DHRS3: variants seen among roughly 807,000 people sequenced by gnomAD.
DHRS3 encodes the protein short-chain dehydrogenase/reductase 3.
In DHRS3, 14 loss-of-function variants were observed where a neutral mutation model predicts 27.2. The ratio of observed to expected loss-of-function variants is 0.52; its 90% CI spans 0.34 to 0.81. The LOEUF is 0.81. DHRS3 is among the 30% of genes least tolerant of loss of function. The probability of loss-of-function intolerance (pLI) is 0.01; values close to 1 mark genes in which losing one functional copy is unlikely to be tolerated. For synonymous variants in DHRS3, 165 were observed against 175.9 expected (o/e 0.94, Z 0.49); for missense variants, 322 against 406.2 (o/e 0.79, Z 1.78).
In DHRS3 at chr1:12,591,071, C is replaced by T. The variant is rs1334850545; in HGVS notation, c.196-10405G>A. ...AGGGGAGGAGACAGACATAGAGCTTCGGGTTTTCCAGGCAACCATTACCCC... is the reference window on the plus strand; with the variant it reads ...AGGGGAGGAGACAGACATAGAGCTTTGGGTTTTCCAGGCAACCATTACCCC... On this transcript the variant is annotated intron_variant, in intron 1 of 5. Transcript: ENST00000616661. The surrounding 1 kb of genome is among the most constrained non-coding windows in gnomAD (Gnocchi z 4.1). Among the ~76,000 whole-genome samples, 5 of 152,180 alleles carry T rather than the reference C, an allele frequency of 3.3e-5. No individual in the cohort carries two copies. Among genetic ancestry groups the T allele is most frequent in the East Asian group, 1.9e-4 (1 of 5,190 alleles).
rs963164163 is a variant in DHRS3 at position 12,614,474 on chromosome 1, G to A, written c.195+2680C>T. On this transcript the variant is annotated intron_variant, in intron 1 of 5. Coordinates refer to ENST00000616661, the MANE Select transcript of DHRS3 (RefSeq NM_004753.7). ...GTGCACTGTGGGTAAGGAGAGATGT[G>A]TCCGGAGCTTTCAAATTCTTACAGC... Among the ~76,000 whole-genome samples, 7 of 151,550 alleles carry A rather than the reference G, an allele frequency of 4.6e-5. No homozygotes were observed. In the East Asian group the frequency reaches 7.8e-4, roughly 17 times the overall value.
rs1450855824 is a variant in DHRS3 at position 12,596,281 on chromosome 1, C to A, written c.196-15615G>T. On this transcript the variant is annotated intron_variant, in intron 1 of 5. Coordinates refer to ENST00000616661, the MANE Select transcript of DHRS3 (RefSeq NM_004753.7). ...GCTCCCACCCCTCCGGGGGCAGCCTCTCCTCTAGGGTCTCTGTCTCCGCTT... is the reference window on the plus strand; with the variant it reads ...GCTCCCACCCCTCCGGGGGCAGCCTATCCTCTAGGGTCTCTGTCTCCGCTT... 5 of 152,346 alleles carry A rather than the reference C, an allele frequency of 3.3e-5. No individual in the cohort carries two copies. In the East Asian group the frequency reaches 9.7e-4, roughly 29 times the overall value. 9.4% of individuals were successfully genotyped at this position (152,346 alleles called of 1,614,324 possible). A position where few individuals can be genotyped will look rare whatever the true frequency, so the allele number is the denominator to read the frequency against.
Position 12,578,640 on chromosome 1 carries a change from TTCTGCAGTTGGCTG to T in DHRS3, c.698+64_698+77del. ...AGCCCGATTTTTATATCAGAGCTCTTTCTGCAGTTGGCTGACTGAATGGCTTGGGGAGGCAGGTG... is the reference window on the plus strand; with the variant it reads ...AGCCCGATTTTTATATCAGAGCTCTTACTGAATGGCTTGGGGAGGCAGGTG... On this transcript the variant is annotated intron_variant, in intron 4 of 5. Coordinates refer to ENST00000616661, the MANE Select transcript of DHRS3 (RefSeq NM_004753.7). This position sits in a 1 kb window ranked among gnomAD's most constrained non-coding sequence, Gnocchi z 4.5. 1 of 1,408,836 alleles carries T rather than the reference TTCTGCAGTTGGCTG, an allele frequency of 7.1e-7. No homozygotes were observed. Among genetic ancestry groups the T allele is most frequent in the South Asian group, 1.2e-5 (1 of 83,996 alleles). 87.3% of individuals were successfully genotyped at this position (1,408,836 alleles called of 1,614,324 possible).
intron 1 of DHRS3, among the ~76,000 whole-genome samples, chr1:12,585,529 G>A (rs866497042): frequency 3.8e-4 from 58 of 152,178 alleles, no homozygotes; most frequent in African/African-American, 1.4e-3. Flanking sequence ...CTGAAGTGCT[G>A]GGCTGGCGCC....
chr1:12,578,831 G>C lies in DHRS3; in HGVS notation c.585C>G (p.Ala195=). The C allele has an allele frequency of 6.2e-7, 1 of 1,614,096 alleles. No individual in the cohort carries two copies. The highest frequency in any genetic ancestry group is 8.5e-7 in the Non-Finnish European group (1 of 1,180,042). The change falls in exon 4 of 6, where the codon GCC becomes GCG. Residue 195 remains alanine, a synonymous_variant. Coordinates refer to ENST00000616661, the MANE Select transcript of DHRS3 (RefSeq NM_004753.7). The surrounding 1 kb of genome is among the most constrained non-coding windows in gnomAD (Gnocchi z 4.5). ...GGGTCAGGCTCTCCATGAAGGCGAAGGCTGACGCTTTGGATGTGCAGTAGT... is the reference window on the plus strand; with the variant it reads ...GGGTCAGGCTCTCCATGAAGGCGAACGCTGACGCTTTGGATGTGCAGTAGT... The part of the protein sequence containing the change: ...AIDYCTSKAS[A]FAFMESLTLG...
intron 1 of DHRS3, among the ~76,000 whole-genome samples, chr1:12,582,955 C>G (rs891699116): frequency 4.0e-5 from 6 of 150,222 alleles, no homozygotes; most frequent in Non-Finnish European, 7.4e-5. Context: ...CATCCATCCA[C>G]TCACCTACTT....
At chr1:12,568,487 C>T (rs1043773465) in intron 5 of DHRS3, 63 bp from the exon 6 acceptor site, 48 of 1,528,484 alleles carry the variant, frequency 3.1e-5, no homozygotes, top group South Asian at 1.8e-4. Flanking sequence ...GGGGCTGGGT[C>T]GCTGGTGGCC....
chr1:12,602,345 G>T (rs528950497), intron 1 of DHRS3, among the ~76,000 whole-genome samples: 1 of 150,094 alleles, frequency 6.7e-6, no homozygotes, highest in Non-Finnish European at 1.5e-5. Flanking sequence ...CTCAACAGAG[G>T]TGAGGCCTCG....
intron 1 of DHRS3, among the ~76,000 whole-genome samples, chr1:12,584,744 A>T (rs1053397022): frequency 6.6e-6 from 1 of 152,178 alleles, no homozygotes; most frequent in African/African-American, 2.4e-5. Flanking sequence ...TTGGGTGAGG[A>T]GCAGCTTTCA....
chr1:12,606,126 G>A (rs1287841483), intron 1 of DHRS3, among the ~76,000 whole-genome samples: 41 of 118,280 alleles, frequency 3.5e-4, no homozygotes, highest in African/African-American at 1.3e-3. Context: ...GACAGAGTGA[G>A]ACTCTGTCTC....
chr1:12,583,350 T>TCCATCCAC (rs1646661980), intron 1 of DHRS3, among the ~76,000 whole-genome samples: 2 of 131,888 alleles, frequency 1.5e-5, no homozygotes, highest in Non-Finnish European at 3.2e-5. Context: ...CATCCATCCA[T>TCCATCCAC]CCACCCACCC....
chr1:12,569,217 C>CT (rs782525312), intron 5 of DHRS3, among the ~76,000 whole-genome samples: 8,461 of 141,132 alleles, frequency 0.06, 452 homozygotes, highest in African/African-American at 0.16. Context: ...AACTCTGTCC[C>CT]CTCTCTCTCT....
At chr1:12,579,166 C>T in intron 3 of DHRS3, 127 bp downstream of exon 3, 1 of 1,504,732 alleles carries the variant, frequency 6.6e-7, no homozygotes, top group Non-Finnish European at 9.1e-7. Flanking sequence ...TTCGTCTTGT[C>T]TGGCCACCTT....
intron 5 of DHRS3, 146 bp downstream of exon 5, chr1:12,572,582 G>A: frequency 7.5e-7 from 1 of 1,333,320 alleles, no homozygotes; most frequent in Non-Finnish European, 1.0e-6. Flanking sequence ...TGACTAACAA[G>A]TTTGAGAACT....
At chr1:12,572,533 T>C (rs934952329) in intron 5 of DHRS3, among the ~76,000 whole-genome samples, 195 bp downstream of exon 5, 1 of 152,210 alleles carries the variant, frequency 6.6e-6, no homozygotes, top group Non-Finnish European at 1.5e-5. Context: ...AAAAGCTCTT[T>C]GGGTTCCTCC....
Position 12,608,535 on chromosome 1 carries a change from G to A in DHRS3, c.195+8619C>T, listed in dbSNP as rs1646886271. On this transcript the variant is annotated intron_variant, in intron 1 of 5. Coordinates refer to ENST00000616661, the MANE Select transcript of DHRS3 (RefSeq NM_004753.7). This position sits in a 1 kb window ranked among gnomAD's most constrained non-coding sequence, Gnocchi z 4.1. ...TTTAATTTTCAAGTGTTGGTTGATCGATGCTGGTGTCCTCTTTTCCTCCTG... is the reference window on the plus strand; with the variant it reads ...TTTAATTTTCAAGTGTTGGTTGATCAATGCTGGTGTCCTCTTTTCCTCCTG... 6.6e-6 allele frequency among the ~76,000 whole-genome samples: 1 copy of A among 152,142 alleles called. No homozygotes were observed. Among genetic ancestry groups the A allele is most frequent in the Non-Finnish European group, 1.5e-5 (1 of 68,028 alleles).
chr1:12,585,321 ATGTGTCTCTGTGTGTC>A (rs943839795), intron 1 of DHRS3, among the ~76,000 whole-genome samples: 18 of 102,844 alleles, frequency 1.8e-4, no homozygotes, highest in East Asian at 2.9e-4. Flanking sequence ...GTGTGTCTCT[ATGTGTCTCTGTGTGTC>A]TGTGTCTCTG....
chr1:12,570,588 A>T (rs899234444), intron 5 of DHRS3, among the ~76,000 whole-genome samples: 2 of 152,176 alleles, frequency 1.3e-5, no homozygotes, highest in African/African-American at 4.8e-5. Flanking sequence ...CTTCCTGTTC[A>T]AAAGTAGTTG....
At chr1:12,612,711 G>A (rs1264373527) in intron 1 of DHRS3, among the ~76,000 whole-genome samples, 1 of 152,192 alleles carries the variant, frequency 6.6e-6, no homozygotes, top group East Asian at 1.9e-4. Context: ...ATCTTGAGAT[G>A]CAATCACATT....
Sources: allele counts gnomAD v4.1 joint callset (sites outside exome capture counted in the v4.1 genomes callset), GRCh38; gene constraint gnomAD v4.1.1; non-coding constraint Gnocchi (gnomAD v3.1); transcripts MANE v1.5; gene names NCBI Gene and HGNC (gene_info 2026-07-23, HGNC 2026-07-21).